The following DLG2 variants were observed in gnomAD, a reference collection of about 807,000 sequenced individuals.
DLG2 encodes the protein disks large homolog 2.
DLG2 carries 45 observed loss-of-function variants against 132.5 expected under a neutral mutation model. The observed-to-expected ratio is 0.34, with a 90% CI of 0.27 to 0.44. DLG2 has a LOEUF of 0.44. DLG2 is among the 20% of genes least tolerant of loss of function. The pLI is 1.00. For missense variants in DLG2, 1,045 were observed against 1,196.9 expected, an observed-to-expected ratio of 0.87 and a Z score of 1.87; for synonymous variants, 424 against 419.6, an observed-to-expected ratio of 1.01 and a Z score of -0.13.
In DLG2 at chr11:84,678,716, T is replaced by C. The variant is rs570795699; in HGVS notation, c.358-143985A>G. Among the ~76,000 whole-genome samples the C allele has an allele frequency of 3.9e-5, 6 of 152,206 alleles. No individual in the cohort carries two copies. In the South Asian group the frequency reaches 1.2e-3, roughly 32 times the overall value. On this transcript the variant is annotated intron_variant, in intron 6 of 27. Transcript: ENST00000376104. ...AGCTTCTCATTTGTAAATATATATT[T>C]ATACCCTGATTAAATATATTGTATG...
intron 11 of DLG2, among the ~76,000 whole-genome samples, chr11:84,007,609 T>C (rs2094636224): frequency 6.6e-6 from 1 of 151,744 alleles, no homozygotes; most frequent in Admixed American, 6.6e-5. Flanking sequence ...TTAAAAGATA[T>C]AATATTTTGC....
At chr11:85,619,820 C>CAA (rs2081580007) in intron 2 of DLG2, among the ~76,000 whole-genome samples, 1 of 150,422 alleles carries the variant, frequency 6.6e-6, no homozygotes, top group Admixed American at 6.6e-5. Context: ...GGCAACAGAG[C>CAA]AAAACTCCGT....
intron 8 of DLG2, among the ~76,000 whole-genome samples, chr11:84,248,469 A>C (rs949314209): frequency 6.6e-6 from 1 of 152,116 alleles, no homozygotes; most frequent in African/African-American, 2.4e-5. Context: ...CTACCATGAT[A>C]ATTGGGCCAT....
chr11:83,987,392 A>C lies in DLG2; in HGVS notation c.920-6750T>G, dbSNP rs544713576. The stretch of plus-strand genomic sequence containing the variant: ...AAAAAAGAGCCCGCATCGCCAAGGC[A>C]ATCCTAAGCCAAAAGAACAAAGCTG... On this transcript the variant is annotated intron_variant, in intron 11 of 27. Coordinates refer to ENST00000376104, the MANE Select transcript of DLG2 (RefSeq NM_001142699.3). Among the ~76,000 whole-genome samples the C allele has an allele frequency of 5.9e-5, 9 of 152,332 alleles. No homozygotes were observed. The South Asian group carries it at 1.9e-3, about 32-fold the overall frequency.
At chr11:84,848,920 A>C (rs139014329) in intron 6 of DLG2, among the ~76,000 whole-genome samples, 5 of 152,310 alleles carry the variant, frequency 3.3e-5, no homozygotes, top group Non-Finnish European at 7.3e-5. Flanking sequence ...TCTGGGACTT[A>C]TATTAATCAA....
At chr11:85,278,460 C>T (rs2078030146) in intron 4 of DLG2, among the ~76,000 whole-genome samples, 1 of 152,068 alleles carries the variant, frequency 6.6e-6, no homozygotes, top group South Asian at 2.1e-4. Context: ...ATTAGCTGGG[C>T]ATGGTAGTGC....
chr11:85,341,385 G>A (rs1014528201), intron 3 of DLG2, among the ~76,000 whole-genome samples: 4 of 152,204 alleles, frequency 2.6e-5, no homozygotes, highest in African/African-American at 4.8e-5. Flanking sequence ...CTCCCAAAGT[G>A]CTGGGATTAC....
chr11:84,671,147 T>C (rs1003912074), intron 6 of DLG2, among the ~76,000 whole-genome samples: 3 of 151,660 alleles, frequency 2.0e-5, no homozygotes, highest in Non-Finnish European at 2.9e-5. Flanking sequence ...CAGATTGGAG[T>C]GCAGTGGTGA....
intron 7 of DLG2, among the ~76,000 whole-genome samples, chr11:84,527,268 T>TA (rs1225334218): frequency 1.3e-5 from 2 of 152,228 alleles, no homozygotes; most frequent in Non-Finnish European, 2.9e-5. Context: ...AGGCTTTATG[T>TA]AGGAAGAGGG....
intron 3 of DLG2, among the ~76,000 whole-genome samples, chr11:85,473,166 TTGCC>T (rs2093038963): frequency 3.3e-5 from 5 of 152,334 alleles, no homozygotes; most frequent in Admixed American, 2.0e-4. Context: ...CACACCTGGC[TTGCC>T]CTTGGTGGGC....
chr11:84,715,585 C>CT (rs201037001), intron 6 of DLG2, among the ~76,000 whole-genome samples: 51 of 151,342 alleles, frequency 3.4e-4, no homozygotes, highest in African/African-American at 6.5e-4. Context: ...ATGTGTTCTA[C>CT]TTTTTTTTTA....
chr11:84,932,975 A>G (rs1211034176), intron 6 of DLG2, among the ~76,000 whole-genome samples: 1 of 152,158 alleles, frequency 6.6e-6, no homozygotes, highest in African/African-American at 2.4e-5. Flanking sequence ...TTACATTCCC[A>G]CCAACAGTGT....
intron 3 of DLG2, among the ~76,000 whole-genome samples, chr11:85,478,954 A>G (rs1003690354): frequency 3.9e-5 from 6 of 152,240 alleles, no homozygotes; most frequent in Non-Finnish European, 8.8e-5. Context: ...TGTTACCCTT[A>G]TGGTCTTTGA....
chr11:84,364,647 T>C (rs1258170632), intron 7 of DLG2, among the ~76,000 whole-genome samples: 13 of 152,148 alleles, frequency 8.5e-5, no homozygotes, highest in Admixed American at 7.9e-4. Context: ...GGCTGTGGGT[T>C]TGTCATAGAT....
chr11:84,386,043 C>A (rs2098768634), intron 7 of DLG2, among the ~76,000 whole-genome samples: 1 of 152,040 alleles, frequency 6.6e-6, no homozygotes, highest in South Asian at 2.1e-4. Flanking sequence ...GTTTCTTTAA[C>A]CAATTTAGGG....
intron 9 of DLG2, among the ~76,000 whole-genome samples, chr11:84,144,019 AC>A (rs1018085126): frequency 1.3e-5 from 2 of 152,084 alleles, no homozygotes; most frequent in African/African-American, 4.8e-5. Context: ...GATTATGTTG[AC>A]TAAGAAAGGG....
chr11:85,543,835 T>A (rs1024155491), intron 3 of DLG2, among the ~76,000 whole-genome samples: 2 of 142,596 alleles, frequency 1.4e-5, no homozygotes, highest in South Asian at 4.6e-4. Context: ...GATGGGGTTG[T>A]TTGTTTTTTT....
chr11:85,503,993 G>C (rs1026810845), intron 3 of DLG2, among the ~76,000 whole-genome samples: 1 of 152,132 alleles, frequency 6.6e-6, no homozygotes, highest in African/African-American at 2.4e-5. Context: ...GTGTCTGTTG[G>C]CTGCATAAAT....
chr11:84,189,984 T>G (rs2096372284), intron 8 of DLG2, among the ~76,000 whole-genome samples: 1 of 146,110 alleles, frequency 6.8e-6, no homozygotes, highest in Non-Finnish European at 1.5e-5. Context: ...ACTTAAAAAT[T>G]AAAGGAGAAA....
Sources: gnomAD v4.1 joint callset for allele counts (sites outside exome capture counted in the v4.1 genomes callset) on GRCh38, gnomAD v4.1.1 for gene constraint, MANE v1.5 for transcripts, NCBI Gene and HGNC (gene_info 2026-07-23, HGNC 2026-07-21) for gene names.